Variants in MYH2 observed in about 807,000 individuals in gnomAD.
MYH2 encodes the protein myosin-2.
MYH2 carries 139 observed loss-of-function variants against 228.1 expected under a neutral mutation model. The ratio of observed to expected loss-of-function variants is 0.61; its 90% CI spans 0.53 to 0.70. The LOEUF (loss-of-function observed/expected upper bound fraction) is 0.70. MYH2 is among the 30% of genes least tolerant of loss of function. The pLI is 0.00. For synonymous variants in MYH2, 796 were observed against 871.1 expected (o/e 0.91, Z 1.52); for missense variants, 1,809 against 2,357.5 (o/e 0.77, Z 4.82).
In MYH2 at chr17:10,540,007, C is replaced by G. The variant is rs116419997; in HGVS notation, c.1068G>C (p.Thr356=). ...GGTTCCCATAATGCATCACAGCCCC[C>G]GTGAGCTTGTAAATGGAGACCTTTT... ...NEEKVSIYKL[T]GAVMHYGNLK... Residue 356 remains threonine (T), a synonymous_variant, in exon 12 of 40, where the codon ACG becomes ACC. Transcript: ENST00000245503. 4.0e-4 allele frequency: 644 copies of G among 1,614,028 alleles called. 1 individual carries two copies. The African/African-American group carries it at 7.7e-3, about 19-fold the overall frequency.
intron 27 of MYH2, 124 bp from the exon 28 acceptor site, chr17:10,527,998 A>T: frequency 2.5e-6 from 3 of 1,206,004 alleles, no homozygotes; most frequent in Non-Finnish European, 3.4e-6. Flanking sequence ...TAGAAAAGAA[A>T]CCAAATTATC....
Position 10,525,172 on chromosome 17 carries a change from AT to A in MYH2, c.4662+51del. The A allele has an allele frequency of 6.2e-7, 1 of 1,613,816 alleles. No homozygotes were observed. Among genetic ancestry groups the A allele is most frequent in the Non-Finnish European group, 8.5e-7 (1 of 1,179,892 alleles). Reference sequence around the variant, plus strand: ...GTGTCTTTTTATTCACTCTATGCAGATGTACCTAATTATTTTCCAGATTTTT... The same window carrying A: ...GTGTCTTTTTATTCACTCTATGCAGAGTACCTAATTATTTTCCAGATTTTT... On this transcript the variant is annotated intron_variant, in intron 33 of 39. Transcript: ENST00000245503. The surrounding 1 kb of genome is among the most constrained non-coding windows in gnomAD (Gnocchi z 4.2).
Position 10,537,683 on chromosome 17 carries a change from G to A in MYH2, c.1569C>T (p.Cys523=), listed in dbSNP as rs757583409. The A allele has an allele frequency of 1.9e-5, 31 of 1,614,032 alleles. No homozygotes were observed. Among genetic ancestry groups the A allele is most frequent in the Non-Finnish European group, 2.2e-5 (26 of 1,180,036 alleles). ...FIDFGMDLAA[C]IELIEKPMGI... is the part of the protein sequence containing the mutation. ...AACCAACCTTCTCGATGAGCTCGATGCAGGCAGCCAGGTCCATCCCGAAGT... is the reference window on the plus strand; with the variant it reads ...AACCAACCTTCTCGATGAGCTCGATACAGGCAGCCAGGTCCATCCCGAAGT... Residue 523 remains cysteine, a synonymous_variant, in exon 15 of 40, where the codon TGC becomes TGT. Transcript: ENST00000245503. This position sits in a 1 kb window ranked among gnomAD's most constrained non-coding sequence, Gnocchi z 4.0.
In MYH2 at chr17:10,534,820, G is replaced by A. The variant is rs1268820117; in HGVS notation, c.2180+253C>T. On this transcript the variant is annotated intron_variant, in intron 19 of 39. Coordinates refer to ENST00000245503, the MANE Select transcript of MYH2 (RefSeq NM_017534.6). ...TAGTCCCAGCTACTTGGGAGGCTGA[G>A]GCAGGAGAATCGCTTGAACCCAGGA... Among the ~76,000 whole-genome samples, 3 of 152,214 alleles carry A rather than the reference G, an allele frequency of 2.0e-5. No individual in the cohort carries two copies. In the East Asian group the frequency reaches 5.8e-4, roughly 29 times the overall value.
In MYH2 at chr17:10,540,071, C is replaced by G. The variant is rs1198460752; in HGVS notation, c.1009-5G>C. ...GCCCAAAATATCAATAGCACTCTGT[C>G]AATATAACCAATAGGATAGCTGTTA... On this transcript the variant is annotated splice_region_variant and splice_polypyrimidine_tract_variant and intron_variant, in intron 11 of 39. Transcript: ENST00000245503. The G allele has an allele frequency of 1.9e-6, 3 of 1,613,950 alleles. No individual in the cohort carries two copies. The Admixed American group carries it at 5.0e-5, about 27-fold the overall frequency.
rs2073329330 is a variant in MYH2 at position 10,524,763 on chromosome 17, G to A, written c.4965C>T (p.Ile1655=). ...ATCTCTTGGACATATTTACCTTGAG[G>A]ATGCCTTGGGTGTTCCTGTAGTTCC... is the stretch of plus-strand genomic sequence containing the variant. ...ALRNYRNTQG[I]LKDTQIHLDD... Residue 1655 remains isoleucine (I), a synonymous_variant, in exon 34 of 40, where the codon ATC becomes ATT. Coordinates refer to ENST00000245503, the MANE Select transcript of MYH2 (RefSeq NM_017534.6). This position sits in a 1 kb window ranked among gnomAD's most constrained non-coding sequence, Gnocchi z 4.7. The A allele has an allele frequency of 6.2e-7, 1 of 1,614,174 alleles. No homozygotes were observed. Among genetic ancestry groups the A allele is most frequent in the South Asian group, 1.1e-5 (1 of 91,072 alleles).
In MYH2 at chr17:10,525,695, T is replaced by C. The variant is rs776886264; in HGVS notation, c.4369A>G (p.Lys1457Glu). The change falls in exon 31 of 40, where the codon AAG becomes GAG. Residue 1457 changes from lysine (K) to glutamate (E), a missense_variant and splice_region_variant. By Grantham distance (56) the Lys-to-Glu change is moderately conservative. Transcript: ENST00000245503. This position sits in a 1 kb window ranked among gnomAD's most constrained non-coding sequence, Gnocchi z 4.2. ...GCAGAAGATGCTGGAGGAATTACCT[T>C]ATCGAAGTTCCTTTGCTTTTTGTCA... ...ALDKKQRNFD[K>E]ILAEWKQKCE... 3.1e-6 allele frequency: 5 copies of C among 1,614,062 alleles called. No homozygotes were observed. In the Admixed American group the frequency reaches 8.3e-5, roughly 27 times the overall value.
Position 10,530,141 on chromosome 17 carries a change from A to G in MYH2, c.2698-67T>C, listed in dbSNP as rs2073408370. 1.5e-5 allele frequency: 24 copies of G among 1,611,094 alleles called. No individual in the cohort carries two copies. In the South Asian group the frequency reaches 2.6e-4, roughly 18 times the overall value. ...AATACTTCACAATGGATAAGAGTGTATGTTTCTGCATTTGATCTTTTGAAT... is the reference window on the plus strand; with the variant it reads ...AATACTTCACAATGGATAAGAGTGTGTGTTTCTGCATTTGATCTTTTGAAT... On this transcript the variant is annotated intron_variant, in intron 22 of 39. Transcript: ENST00000245503.
intron 12 of MYH2, 74 bp from the exon 13 acceptor site, chr17:10,539,636 C>A: frequency 7.0e-7 from 1 of 1,427,216 alleles, no homozygotes; most frequent in Non-Finnish European, 9.9e-7. Flanking sequence ...ATTTTTTAAA[C>A]TACAAGTATT....
In MYH2 at chr17:10,531,746, A is replaced by G; in HGVS notation, c.2584T>C (p.Phe862Leu). The G allele has an allele frequency of 6.2e-7, 1 of 1,614,088 alleles. No homozygotes were observed. The highest frequency in any genetic ancestry group is 8.5e-7 in the Non-Finnish European group (1 of 1,180,018). Residue 862 changes from phenylalanine (F) to leucine (L), a missense_variant, in exon 22 of 40, where the codon TTT (phenylalanine) becomes CTT (leucine). Physicochemically the swap from Phe to Leu is conservative, Grantham distance 22. Around this residue, in one of 9 missense-constraint regions of MYH2, gnomAD observed 276 missense variants for 344.2 expected, o/e 0.80. Transcript: ENST00000245503. ...GCAAGTTCGTCTTTAATTTTCTGAA[A>G]TTCTTCCTTCATGGTGGCCATCTCC... ...EKEMATMKEEFQKIKDELAKS... is the reference protein window; with the variant it reads ...EKEMATMKEELQKIKDELAKS...
intron 10 of MYH2, among the ~76,000 whole-genome samples, chr17:10,542,160 C>A (rs953947938): frequency 6.6e-6 from 1 of 152,146 alleles, no homozygotes; most frequent in Non-Finnish European, 1.5e-5. Flanking sequence ...GTAATCCCAG[C>A]TACTTGGGAG....
chr17:10,547,834 A>T lies in MYH2; in HGVS notation c.87T>A (p.Asn29Lys). ...KSERERIEAQNRPFDAKTSVF... is the reference protein window; with the variant it reads ...KSERERIEAQKRPFDAKTSVF... ...CAGATGTTTTGGCATCAAAGGGCCT[A>T]TTCTGGGCCTCAATGCGCTCCCTTT... Residue 29 changes from asparagine to lysine, a missense_variant, in exon 3 of 40, where the codon AAT (asparagine) becomes AAA (lysine). Transcript: ENST00000245503. 6.2e-7 allele frequency: 1 copy of T among 1,614,194 alleles called. No homozygotes were observed. Among genetic ancestry groups the T allele is most frequent in the South Asian group, 1.1e-5 (1 of 91,074 alleles).
chr17:10,529,748 G>T lies in MYH2; in HGVS notation c.2941-8C>A, dbSNP rs1461008944. On this transcript the variant is annotated splice_region_variant and splice_polypyrimidine_tract_variant and intron_variant, in intron 23 of 39. Transcript: ENST00000245503. ...TTCTGTGAGGTTTTTCACCTACAAA[G>T]GTGAAGAAAGCAGTTTAGTTGCTAT... 2.5e-6 allele frequency: 4 copies of T among 1,613,884 alleles called. No homozygotes were observed. The highest frequency in any genetic ancestry group is 3.3e-5 in the Admixed American group (2 of 59,990).
Position 10,536,512 on chromosome 17 carries a change from A to G in MYH2, c.1974+18T>C. On this transcript the variant is annotated intron_variant, in intron 17 of 39. Coordinates refer to ENST00000245503, the MANE Select transcript of MYH2 (RefSeq NM_017534.6). ...TCCCAAAGTAATTGGAGAATGTCAAAAACAATTTCTTCCTTACTCTGAAAA... is the reference window on the plus strand; with the variant it reads ...TCCCAAAGTAATTGGAGAATGTCAAGAACAATTTCTTCCTTACTCTGAAAA... The G allele has an allele frequency of 6.2e-7, 1 of 1,609,388 alleles. No individual in the cohort carries two copies. The highest frequency in any genetic ancestry group is 8.5e-7 in the Non-Finnish European group (1 of 1,176,570).
intron 27 of MYH2, 52 bp downstream of exon 27, chr17:10,528,638 A>ATG: frequency 6.2e-7 from 1 of 1,613,288 alleles, no homozygotes. Flanking sequence ...GCAAACTATG[A>ATG]TGTGTCCATA....
intron 28 of MYH2, 101 bp downstream of exon 28, chr17:10,527,647 G>T: frequency 6.4e-7 from 1 of 1,567,518 alleles, no homozygotes; most frequent in Admixed American, 1.7e-5. Context: ...AATCAGACAT[G>T]TTCTCAGCTG....
intron 21 of MYH2, among the ~76,000 whole-genome samples, chr17:10,532,976 A>G (rs1025025930): frequency 2.6e-5 from 4 of 152,200 alleles, no homozygotes; most frequent in Non-Finnish European, 5.9e-5. Flanking sequence ...TTATCTAATG[A>G]TCTGTCCAAT....
chr17:10,537,786 T>G lies in MYH2; in HGVS notation c.1466A>C (p.Gln489Pro). The G allele has an allele frequency of 6.2e-7, 1 of 1,614,228 alleles. No individual in the cohort carries two copies. Among genetic ancestry groups the G allele is most frequent in the Non-Finnish European group, 8.5e-7 (1 of 1,180,038 alleles). ...GAACATGTGGTGGTTGAAAAACTGT[T>G]GCAGTTTCTCATTGGTGAAGTTGAT... ...LCINFTNEKL[Q>P]QFFNHHMFVL... Residue 489 changes from glutamine to proline, a missense_variant, in exon 15 of 40, where the codon CAA (glutamine) becomes CCA (proline). Gln to Pro is a moderately conservative substitution (Grantham distance 76). This residue lies in a region of MYH2 where 373 missense variants were observed against 620.4 expected (regional missense o/e 0.60). Coordinates refer to ENST00000245503, the MANE Select transcript of MYH2 (RefSeq NM_017534.6). This position sits in a 1 kb window ranked among gnomAD's most constrained non-coding sequence, Gnocchi z 4.0.
At position 10,539,460 on chromosome 17, in the gene MYH2, C is replaced by T. The variant is rs201775814; in HGVS notation, c.1250G>A (p.Gly417Asp). Residue 417 changes from glycine (G) to aspartate (D), a missense_variant, in exon 13 of 40, where the codon GGC becomes GAC. This residue lies in a region of MYH2 where 373 missense variants were observed against 620.4 expected (regional missense o/e 0.60). Transcript: ENST00000245503. ...TGCACCTACCTGTTCTACAGTCTGG[C>T]CTTTGGTGACATACTCATTGCCGAC... ...VKVGNEYVTK[G>D]QTVEQVSNAV... is the part of the protein sequence containing the mutation. 6.2e-7 allele frequency: 1 copy of T among 1,614,182 alleles called. No homozygotes were observed. The highest frequency in any genetic ancestry group is 8.5e-7 in the Non-Finnish European group (1 of 1,180,020).
Sources: allele counts gnomAD v4.1 joint callset (sites outside exome capture counted in the v4.1 genomes callset), GRCh38; gene constraint gnomAD v4.1.1; regional missense constraint gnomAD v4.1.1; non-coding constraint Gnocchi (gnomAD v3.1); transcripts MANE v1.5; gene names NCBI Gene and HGNC (gene_info 2026-07-23, HGNC 2026-07-21).